CSMD1: variants seen among roughly 807,000 people sequenced by gnomAD.
CSMD1 encodes the protein CUB and sushi domain-containing protein 1.
In CSMD1, 213 loss-of-function variants were observed where a neutral mutation model predicts 417.5. The observed-to-expected ratio is 0.51, with a 90% CI of 0.46 to 0.57. CSMD1 has a LOEUF of 0.57. CSMD1 is among the 20% of genes least tolerant of loss of function. The pLI, the probability that CSMD1 is intolerant of heterozygous loss-of-function variation, is 0.00. For missense variants in CSMD1, 6,923 were observed against 4,529.7 expected (o/e 1.53, Z -15.17); for synonymous variants, 2,862 against 1,736.8 (o/e 1.65, Z -16.11).
chr8:4,937,157 G>C (rs1807674893), intron 1 of CSMD1, among the ~76,000 whole-genome samples: 1 of 152,156 alleles, frequency 6.6e-6, no homozygotes, highest in Non-Finnish European at 1.5e-5. Flanking sequence ...AGGCTGCAGT[G>C]AGCTCTGATC....
At chr8:4,088,563 A>G (rs772569930) in intron 3 of CSMD1, among the ~76,000 whole-genome samples, 5 of 152,138 alleles carry the variant, frequency 3.3e-5, no homozygotes, top group African/African-American at 7.2e-5. Context: ...TTAAAAAGAA[A>G]TATCATTTCC....
chr8:4,152,981 G>C (rs901908453), intron 3 of CSMD1, among the ~76,000 whole-genome samples: 1 of 152,142 alleles, frequency 6.6e-6, no homozygotes, highest in Non-Finnish European at 1.5e-5. Flanking sequence ...TTTCTGCTAT[G>C]ACAAGGTGAA....
At chr8:4,973,765 G>C (rs1024248536) in intron 1 of CSMD1, among the ~76,000 whole-genome samples, 3 of 152,088 alleles carry the variant, frequency 2.0e-5, no homozygotes, top group African/African-American at 7.2e-5. Flanking sequence ...TTCACCCAAA[G>C]ATGTAAAAGG....
intron 3 of CSMD1, among the ~76,000 whole-genome samples, chr8:4,123,110 T>C (rs1259314310): frequency 6.6e-6 from 1 of 152,188 alleles, no homozygotes; most frequent in Non-Finnish European, 1.5e-5. Context: ...AGAAAAATGA[T>C]CCATCAGTAC....
At chr8:3,454,462 T>C (rs1815971485) in intron 12 of CSMD1, among the ~76,000 whole-genome samples, 1 of 152,222 alleles carries the variant, frequency 6.6e-6, no homozygotes, top group Non-Finnish European at 1.5e-5. Flanking sequence ...GGTTGTTCCT[T>C]TCCATGTTTT....
chr8:4,277,359 G>T (rs58381114), intron 3 of CSMD1, among the ~76,000 whole-genome samples: 2 of 151,992 alleles, frequency 1.3e-5, no homozygotes, highest in African/African-American at 4.8e-5. Context: ...CTCCTCTTTC[G>T]TGCCTCATCT....
intron 19 of CSMD1, 75 bp downstream of exon 19, chr8:3,369,179 T>A: frequency 1.4e-6 from 1 of 702,126 alleles, no homozygotes; most frequent in Non-Finnish European, 2.6e-6. Flanking sequence ...TACACCGTAA[T>A]ATGTTTTTGT....
intron 10 of CSMD1, among the ~76,000 whole-genome samples, chr8:3,565,909 C>T (rs547792575): frequency 6.6e-6 from 1 of 152,226 alleles, no homozygotes; most frequent in African/African-American, 2.4e-5. Flanking sequence ...GATTTTCCTG[C>T]TTCCAGTTTT....
chr8:4,259,666 C>T (rs185490613), intron 3 of CSMD1, among the ~76,000 whole-genome samples: 12 of 152,210 alleles, frequency 7.9e-5, no homozygotes, highest in Admixed American at 5.9e-4. Context: ...CCCCTACTGG[C>T]AGTACTGGGT....
chr8:4,129,878 G>C (rs549901466), intron 3 of CSMD1, among the ~76,000 whole-genome samples: 4 of 152,034 alleles, frequency 2.6e-5, no homozygotes, highest in African/African-American at 7.2e-5. Context: ...TTCTGTTCTT[G>C]TTTTGTGAAT....
intron 10 of CSMD1, among the ~76,000 whole-genome samples, chr8:3,549,327 A>C (rs12056785): frequency 0.025 from 3,736 of 152,266 alleles, 120 homozygotes; most frequent in East Asian, 0.14. Flanking sequence ...TTTACAGGCA[A>C]GCTCACCAGC....
At chr8:4,967,678 A>G (rs1171969265) in intron 1 of CSMD1, among the ~76,000 whole-genome samples, 1 of 152,188 alleles carries the variant, frequency 6.6e-6, no homozygotes, top group Non-Finnish European at 1.5e-5. Flanking sequence ...TGAATCTTGC[A>G]TACATTTCTT....
intron 3 of CSMD1, among the ~76,000 whole-genome samples, chr8:4,064,318 T>C (rs1340604117): frequency 3.0e-4 from 45 of 152,212 alleles, no homozygotes; most frequent in Non-Finnish European, 7.3e-5. Flanking sequence ...GGGCTCCATA[T>C]GGTGTTTCAT....
intron 46 of CSMD1, among the ~76,000 whole-genome samples, chr8:3,100,872 C>A (rs1227072835): frequency 3.3e-5 from 5 of 151,996 alleles, no homozygotes; most frequent in Admixed American, 2.6e-4. Flanking sequence ...AGAAGGTGAG[C>A]CCTCTGTGAA....
At chr8:4,146,117 G>T (rs757174821) in intron 3 of CSMD1, among the ~76,000 whole-genome samples, 8 of 150,868 alleles carry the variant, frequency 5.3e-5, no homozygotes, top group South Asian at 2.1e-4. Flanking sequence ...ATGGCAGTCG[G>T]TGAGGAATTC....
intron 3 of CSMD1, among the ~76,000 whole-genome samples, chr8:4,046,012 G>C (rs1007779510): frequency 6.6e-6 from 1 of 151,964 alleles, no homozygotes; most frequent in African/African-American, 2.4e-5. Context: ...TTCTACAATT[G>C]TATTCAAATA....
chr8:3,591,014 C>T (rs1369768007), intron 8 of CSMD1, among the ~76,000 whole-genome samples: 1 of 152,112 alleles, frequency 6.6e-6, no homozygotes, highest in East Asian at 1.9e-4. Context: ...AAAGAAGTCT[C>T]AGAGGAAAAT....
intron 3 of CSMD1, among the ~76,000 whole-genome samples, chr8:4,217,295 A>G (rs1312762239): frequency 2.0e-5 from 3 of 152,224 alleles, no homozygotes; most frequent in Non-Finnish European, 4.4e-5. Context: ...CCAAGTGTCC[A>G]TGCAAGCACT....
chr8:3,596,320 T>A (rs1339036801), intron 8 of CSMD1, among the ~76,000 whole-genome samples: 1 of 152,114 alleles, frequency 6.6e-6, no homozygotes, highest in African/African-American at 2.4e-5. Context: ...AGGCAGCAGC[T>A]GGAGCTAACC....
Sources: allele counts gnomAD v4.1 joint callset (sites outside exome capture counted in the v4.1 genomes callset), GRCh38; gene constraint gnomAD v4.1.1; transcripts MANE v1.5; gene names NCBI Gene and HGNC (gene_info 2026-07-23, HGNC 2026-07-21).